Variants in ZNF529 observed in about 807,000 individuals in gnomAD.
ZNF529 encodes the protein zinc finger protein 529.
A neutral mutation model predicts 10.1 loss-of-function variants in ZNF529; 11 were observed. The observed-to-expected ratio is 1.09, with a 90% CI of 0.69 to 1.81. The LOEUF is 1.81. ZNF529 is among the 40% of genes most tolerant of loss of function. The probability of loss-of-function intolerance (pLI) is 0.00; values close to 1 mark genes in which losing one functional copy is unlikely to be tolerated. For synonymous variants in ZNF529, 204 were observed against 215.7 expected, an observed-to-expected ratio of 0.95 and a Z score of 0.47; for missense variants, 624 against 666.8, an observed-to-expected ratio of 0.94 and a Z score of 0.71.
intron 3 of ZNF529, 37 bp from the exon 4 acceptor site, chr19:36,554,833 A>T: frequency 6.8e-7 from 1 of 1,478,450 alleles, no homozygotes; most frequent in South Asian, 1.4e-5. Context: ...GGTAAAATTT[A>T]AGGAAATATT....
chr19:36,554,047 A>C (rs1408489457), intron 4 of ZNF529, among the ~76,000 whole-genome samples: 1 of 152,190 alleles, frequency 6.6e-6, no homozygotes, highest in Non-Finnish European at 1.5e-5. Context: ...CCAAATCCAA[A>C]ACACTCTCAT....
upstream of ZNF529, among the ~76,000 whole-genome samples, chr19:36,574,190 C>T (rs969368755): frequency 6.6e-6 from 1 of 152,132 alleles, no homozygotes; most frequent in African/African-American, 2.4e-5. Flanking sequence ...ACATGAGACA[C>T]CAATCAAATA....
intron 2 of ZNF529, among the ~76,000 whole-genome samples, chr19:36,559,289 A>G (rs1163571578): frequency 6.6e-6 from 1 of 152,234 alleles, no homozygotes; most frequent in Non-Finnish European, 1.5e-5. Flanking sequence ...CTATACAGCC[A>G]AAAGAAATGA....
intron 4 of ZNF529, among the ~76,000 whole-genome samples, chr19:36,552,244 C>CA (rs1384010692): frequency 6.6e-6 from 1 of 152,070 alleles, no homozygotes; most frequent in Non-Finnish European, 1.5e-5. Context: ...TCCTGGCTAA[C>CA]ACGGTGATAC....
intron 1 of ZNF529, among the ~76,000 whole-genome samples, chr19:36,599,777 CTG>C (rs1375666488): frequency 6.6e-6 from 1 of 151,986 alleles, no homozygotes; most frequent in Non-Finnish European, 1.5e-5. Flanking sequence ...ATTAAGAAAA[CTG>C]TGAGCAAACA....
At chr19:36,588,638 T>C (rs1452127088) in intron 2 of ZNF529, among the ~76,000 whole-genome samples, 3 of 152,074 alleles carry the variant, frequency 2.0e-5, no homozygotes, top group Admixed American at 2.0e-4. Flanking sequence ...AATGGCAAGA[T>C]TCAAAGGGGC....
chr19:36,587,596 G>A (rs1286141691), intron 2 of ZNF529: 1 of 152,098 alleles, frequency 6.6e-6, no homozygotes, highest in Non-Finnish European at 1.5e-5. Context: ...GCCAAAAAAT[G>A]GAAACAACCT....
intron 2 of ZNF529, among the ~76,000 whole-genome samples, chr19:36,560,284 G>GAAGC (rs910652476): frequency 6.9e-6 from 1 of 143,930 alleles, no homozygotes; most frequent in African/African-American, 2.6e-5. Context: ...AAAAAAAAGA[G>GAAGC]AAGCAAGCCA....
At chr19:36,595,864 A>T (rs1344734023) in intron 1 of ZNF529, among the ~76,000 whole-genome samples, 1 of 151,978 alleles carries the variant, frequency 6.6e-6, no homozygotes, top group African/African-American at 2.4e-5. Flanking sequence ...AGTATAAATA[A>T]ATATATATGG....
rs2035058544 is a variant in ZNF529, at chr19:36,547,148, T to G, written c.1410A>C (p.Arg470Ser). Reference sequence around the variant, plus strand: ...CATAAGGTTTCTCACCACTATGAATTCTTTGATGTTGAATAAGGGCTGACG... The same window carrying G: ...CATAAGGTTTCTCACCACTATGAATGCTTTGATGTTGAATAAGGGCTGACG... ...RLTSALIQHQ[R>S]IHSGEKPYEC... The change falls in exon 5 of 5, where the codon AGA becomes AGC. Residue 470 changes from arginine to serine, a missense_variant. Physicochemically the swap from Arg to Ser is moderately radical, Grantham distance 110. Transcript: ENST00000591340. 6.2e-7 allele frequency: 1 copy of G among 1,613,808 alleles called. No homozygotes were observed. The highest frequency in any genetic ancestry group is 1.7e-5 in the Admixed American group (1 of 59,968).
chr19:36,589,141 C>T (rs560747220), intron 2 of ZNF529, among the ~76,000 whole-genome samples: 1 of 152,140 alleles, frequency 6.6e-6, no homozygotes, highest in Admixed American at 6.5e-5. Flanking sequence ...TGAGACAGGT[C>T]TCACTCTGTT....
At chr19:36,566,833 A>C (rs1241884652) in intron 2 of ZNF529, among the ~76,000 whole-genome samples, 2 of 152,156 alleles carry the variant, frequency 1.3e-5, no homozygotes, top group African/African-American at 4.8e-5. Flanking sequence ...CAGCCCGGCC[A>C]ATATGGTAAA....
chr19:36,554,623 A>C, intron 4 of ZNF529, 47 bp downstream of exon 4: 1 of 1,405,810 alleles, frequency 7.1e-7, no homozygotes, highest in Non-Finnish European at 9.4e-7. Context: ...ATATCAGTTG[A>C]TAGTCTAGAG....
At chr19:36,572,729 T>C (rs2194977) in intron 1 of ZNF529, among the ~76,000 whole-genome samples, 104,878 of 151,618 alleles carry the variant, frequency 0.69, 36,552 homozygotes, top group African/African-American at 0.78. Flanking sequence ...TATCTATCTA[T>C]CTATCTATCT....
upstream of ZNF529, among the ~76,000 whole-genome samples, chr19:36,574,492 C>G (rs772220237): frequency 2.6e-5 from 4 of 151,800 alleles, no homozygotes; most frequent in Non-Finnish European, 5.9e-5. Flanking sequence ...ACTAGTTTTT[C>G]AGGTTAGGAA....
intron 4 of ZNF529, among the ~76,000 whole-genome samples, chr19:36,548,981 C>T (rs1790730305): frequency 6.6e-6 from 1 of 152,314 alleles, no homozygotes; most frequent in Middle Eastern, 3.4e-3. Context: ...CTAGCCTGGG[C>T]AGCAGAGCGA....
At chr19:36,561,090 C>T (rs547856180) in intron 2 of ZNF529, among the ~76,000 whole-genome samples, 1 of 152,306 alleles carries the variant, frequency 6.6e-6, no homozygotes, top group South Asian at 2.1e-4. Flanking sequence ...GGCTGCTCCT[C>T]CCATCACAGG....
intron 2 of ZNF529, among the ~76,000 whole-genome samples, chr19:36,563,500 C>T (rs922658094): frequency 2.0e-4 from 30 of 151,188 alleles, no homozygotes; most frequent in Non-Finnish European, 3.4e-4. Context: ...ATGGAAAAAA[C>T]GGTCAAGCCG....
At chr19:36,549,701 A>G (rs1054607591) in intron 4 of ZNF529, among the ~76,000 whole-genome samples, 15 of 152,224 alleles carry the variant, frequency 9.9e-5, no homozygotes, top group African/African-American at 3.4e-4. Flanking sequence ...ATGAAGAAAT[A>G]CAATCGGGAT....
Sources: allele counts gnomAD v4.1 joint callset (sites outside exome capture counted in the v4.1 genomes callset), GRCh38; gene constraint gnomAD v4.1.1; transcripts MANE v1.5; gene names NCBI Gene and HGNC (gene_info 2026-07-23, HGNC 2026-07-21).